RASEF: variants seen among roughly 807,000 people sequenced by gnomAD.
RASEF encodes RAS and EF-hand domain containing.
A neutral mutation model predicts 90.1 loss-of-function variants in RASEF; 68 were observed. The ratio of observed to expected loss-of-function variants is 0.75; its 90% CI spans 0.62 to 0.92. RASEF has a LOEUF of 0.92. Ranked by LOEUF, RASEF falls within the 40% of genes least tolerant of loss-of-function variation. The probability of loss-of-function intolerance (pLI) is 0.00; values close to 1 mark genes in which losing one functional copy is unlikely to be tolerated. For synonymous variants in RASEF, 331 were observed against 345.2 expected, an observed-to-expected ratio of 0.96 and a Z score of 0.46; for missense variants, 949 against 937.2, an observed-to-expected ratio of 1.01 and a Z score of -0.16.
In RASEF at chr9:83,000,443, A is replaced by G. The variant is rs1351162483; in HGVS notation, c.1565T>C (p.Leu522Pro). The change falls in exon 11 of 17, where the codon CTC (leucine) becomes CCC (proline). Residue 522 changes from leucine to proline, a missense_variant. Around this residue, in one of 3 missense-constraint regions of RASEF, gnomAD observed 288 missense variants for 328.4 expected, o/e 0.88. Transcript: ENST00000376447. ...VSSSRKPISALSPQTDLVDDN... is the reference protein window; with the variant it reads ...VSSSRKPISAPSPQTDLVDDN... ...TCGGAGACCACCTACCTGGGGCGAG[A>G]GTGCTGAGATGGGCTTTCTTGATGA... is the stretch of plus-strand genomic sequence containing the variant. 2 of 1,613,876 alleles carry G rather than the reference A, an allele frequency of 1.2e-6. No individual in the cohort carries two copies. Among genetic ancestry groups the G allele is most frequent in the Admixed American group, 3.3e-5 (2 of 59,938 alleles).
chr9:83,039,345 G>C (rs1345827831), intron 1 of RASEF, among the ~76,000 whole-genome samples: 1 of 152,062 alleles, frequency 6.6e-6, no homozygotes, highest in African/African-American at 2.4e-5. Flanking sequence ...GTAGCACCCG[G>C]CACCTACAGG....
the RASEF span, among the ~76,000 whole-genome samples, chr9:83,127,598 A>C: frequency 6.6e-6 from 1 of 152,232 alleles, no homozygotes; most frequent in African/African-American, 2.4e-5. Context: ...GAGTTGAAAA[A>C]GAAATGGCGG....
In RASEF at chr9:83,017,088, G is replaced by A. The variant is rs367585038; in HGVS notation, c.670-1188C>T. Reference sequence around the variant, plus strand: ...GAAGACACAGAGGCCTCACAATGAGGTGCTAATGAGGCAGCCTTCCTGGCC... The same window carrying A: ...GAAGACACAGAGGCCTCACAATGAGATGCTAATGAGGCAGCCTTCCTGGCC... On this transcript the variant is annotated intron_variant, in intron 3 of 16. Coordinates refer to ENST00000376447, the MANE Select transcript of RASEF (RefSeq NM_152573.4). 1.2e-4 allele frequency among the ~76,000 whole-genome samples: 19 copies of A among 152,214 alleles called. No individual in the cohort carries two copies. The South Asian group carries it at 3.7e-3, about 30-fold the overall frequency.
At chr9:82,995,476 G>C (rs373661596) in intron 14 of RASEF, among the ~76,000 whole-genome samples, 1 of 151,936 alleles carries the variant, frequency 6.6e-6, no homozygotes, top group African/African-American at 2.4e-5. Context: ...TGGGGGTCTC[G>C]CTCTGTCACT....
At chr9:82,988,989 T>C (rs1335233511) in intron 16 of RASEF, among the ~76,000 whole-genome samples, 2 of 152,280 alleles carry the variant, frequency 1.3e-5, no homozygotes, top group East Asian at 3.9e-4. Flanking sequence ...TCTCCTGGAC[T>C]GATGTCAAAG....
chr9:83,125,045 T>G, the RASEF span, among the ~76,000 whole-genome samples: 1 of 152,362 alleles, frequency 6.6e-6, no homozygotes, highest in African/African-American at 2.4e-5. Flanking sequence ...TCAGCAAGGA[T>G]AGAAGTATTT....
intron 16 of RASEF, 23 bp from the exon 17 acceptor site, chr9:82,982,805 C>CAGAA (rs1554704191): frequency 1.5e-5 from 14 of 917,072 alleles, no homozygotes; most frequent in Non-Finnish European, 2.3e-5. Context: ...TAGAGAGAGA[C>CAGAA]AGAGAGAGAG....
At chr9:83,126,526 G>C in the RASEF span, among the ~76,000 whole-genome samples, 1 of 152,174 alleles carries the variant, frequency 6.6e-6, no homozygotes, top group Non-Finnish European at 1.5e-5. Flanking sequence ...TGATTATTAA[G>C]AGGACAGACA....
At chr9:83,214,873 C>G in the RASEF span, among the ~76,000 whole-genome samples, 1 of 152,038 alleles carries the variant, frequency 6.6e-6, no homozygotes, top group South Asian at 2.1e-4. Flanking sequence ...AAAGGCCCCA[C>G]TCTCAAGCCT....
Position 83,062,599 on chromosome 9 carries a change from G to A in RASEF, c.269C>T (p.Pro90Leu). The change falls in exon 1 of 17, where the codon CCC becomes CTC. Residue 90 changes from proline to leucine, a missense_variant. By Grantham distance (98) the Pro-to-Leu change is moderately conservative (BLOSUM62 -3). Transcript: ENST00000376447. ...CTCCGGCCCCGCCTCAGACACGGCG[G>A]GCGCGGGATCCAGAGGACCCCAGTC... ...RRDWGPLDPAPAVSEAGPETH... is the reference protein window; with the variant it reads ...RRDWGPLDPALAVSEAGPETH... The A allele has an allele frequency of 1.3e-6, 2 of 1,571,076 alleles. No homozygotes were observed. Among genetic ancestry groups the A allele is most frequent in the South Asian group, 1.1e-5 (1 of 87,344 alleles).
intron 2 of RASEF, among the ~76,000 whole-genome samples, chr9:83,023,361 T>C (rs549466461): frequency 2.0e-5 from 3 of 152,306 alleles, no homozygotes; most frequent in Non-Finnish European, 4.4e-5. Context: ...GCTTTAGAGG[T>C]GATTCATTCG....
chr9:83,174,375 CA>C, the RASEF span, among the ~76,000 whole-genome samples: 1 of 151,950 alleles, frequency 6.6e-6, no homozygotes, highest in Admixed American at 6.6e-5. Context: ...GGTGGATAGC[CA>C]GTTGTCATAG....
At chr9:83,211,417 G>A in the RASEF span, among the ~76,000 whole-genome samples, 6 of 152,138 alleles carry the variant, frequency 3.9e-5, no homozygotes, top group Non-Finnish European at 5.9e-5. Flanking sequence ...TATTGAACTG[G>A]TTGTTCTCAG....
the RASEF span, among the ~76,000 whole-genome samples, chr9:83,182,251 G>C: frequency 0.2 from 29,992 of 152,006 alleles, 3,024 homozygotes; most frequent in Middle Eastern, 0.24. Context: ...GCTGCTTCCA[G>C]CCATTCAGTC....
At chr9:83,062,294 C>G (rs1274674942) in intron 1 of RASEF, 143 bp downstream of exon 1, 5 of 793,596 alleles carry the variant, frequency 6.3e-6, no homozygotes, top group Non-Finnish European at 1.0e-5. Context: ...TTGGAAAAGT[C>G]AAAGCGAGTA....
At chr9:83,011,006 C>G (rs1035240357) in intron 5 of RASEF, among the ~76,000 whole-genome samples, 2 of 151,966 alleles carry the variant, frequency 1.3e-5, no homozygotes, top group African/African-American at 4.8e-5. Context: ...CCCAAAAAAG[C>G]CTATTTATCT....
the RASEF span, among the ~76,000 whole-genome samples, chr9:83,187,105 AC>A: frequency 3.9e-5 from 6 of 152,036 alleles, no homozygotes; most frequent in Admixed American, 2.0e-4. Flanking sequence ...AAACTAGCAA[AC>A]CCTAAACTGT....
chr9:83,094,513 G>A, the RASEF span, among the ~76,000 whole-genome samples: 2 of 151,930 alleles, frequency 1.3e-5, no homozygotes, highest in African/African-American at 4.8e-5. Context: ...GAGACTTCCT[G>A]GGAATTTCTT....
the RASEF span, among the ~76,000 whole-genome samples, chr9:83,179,533 T>C: frequency 6.6e-6 from 1 of 152,080 alleles, no homozygotes; most frequent in African/African-American, 2.4e-5. Context: ...ACAAGTCCAA[T>C]GGGAAAGGAT....
Sources: gnomAD v4.1 joint callset for allele counts (sites outside exome capture counted in the v4.1 genomes callset) on GRCh38, gnomAD v4.1.1 for gene constraint, gnomAD v4.1.1 regional missense constraint, MANE v1.5 for transcripts, NCBI Gene and HGNC (gene_info 2026-07-23, HGNC 2026-07-21) for gene names.